TAF4: variants seen among roughly 807,000 people sequenced by gnomAD.
TAF4 encodes transcription initiation factor TFIID subunit 4.
In TAF4, 9 loss-of-function variants were observed where a neutral mutation model predicts 90.3. The observed-to-expected ratio is 0.10, with a 90% CI of 0.06 to 0.17. TAF4 has a LOEUF of 0.17. Among genes scored for constraint, TAF4 ranks in the 10% least tolerant of loss-of-function variants. The pLI is 1.00. For missense variants in TAF4, 1,351 were observed against 1,370.7 expected (o/e 0.99, Z 0.23); for synonymous variants, 818 against 638.9 (o/e 1.28, Z -4.23).
At chr20:62,013,116 C>T (rs2055789195) in intron 2 of TAF4, among the ~76,000 whole-genome samples, 182 bp from the exon 3 acceptor site, 1 of 152,244 alleles carries the variant, frequency 6.6e-6, no homozygotes, top group Non-Finnish European at 1.5e-5. Context: ...AAGTGTATGA[C>T]AAACATTTTC....
At chr20:62,005,021 C>T (rs1028904626) in intron 7 of TAF4, 17 of 152,280 alleles carry the variant, frequency 1.1e-4, no homozygotes, top group African/African-American at 3.9e-4. Context: ...GCAAAGGTGC[C>T]CTGGCAGGTA....
rs565386230 is a variant in TAF4 at position 61,987,661 on chromosome 20, C to T, written c.3090+9889G>A. ...GCGCGGCTGCTGGAAGACAGTCTGG[C>T]GGTTTCTTACAAAACTAAACGTGCT... On this transcript the variant is annotated intron_variant, in intron 14 of 14. Coordinates refer to ENST00000252996, the MANE Select transcript of TAF4 (RefSeq NM_003185.4). 2.3e-3 allele frequency among the ~76,000 whole-genome samples: 343 copies of T among 152,304 alleles called. 1 individual carries two copies. Among genetic ancestry groups the T allele is most frequent in the Admixed American group, 4.1e-3 (63 of 15,294 alleles).
intron 1 of TAF4, among the ~76,000 whole-genome samples, chr20:62,028,987 G>A (rs925666299): frequency 6.6e-6 from 1 of 152,110 alleles, no homozygotes; most frequent in African/African-American, 2.4e-5. Context: ...ACGAGGTCAG[G>A]AGATCGAGAC....
intron 14 of TAF4, among the ~76,000 whole-genome samples, chr20:61,995,202 G>A (rs1358617602): frequency 1.3e-5 from 2 of 152,200 alleles, no homozygotes; most frequent in African/African-American, 4.8e-5. Flanking sequence ...GTGCAAGGCC[G>A]AGGAAAACAG....
At chr20:62,057,516 C>A (rs1244590955) in intron 1 of TAF4, among the ~76,000 whole-genome samples, 1 of 152,240 alleles carries the variant, frequency 6.6e-6, no homozygotes, top group Non-Finnish European at 1.5e-5. Flanking sequence ...TGGCTACGCT[C>A]CTCTCACAAC....
chr20:62,063,815 C>T (rs2056104212), intron 1 of TAF4, among the ~76,000 whole-genome samples: 1 of 152,232 alleles, frequency 6.6e-6, no homozygotes, highest in Non-Finnish European at 1.5e-5. Flanking sequence ...GCCGGGAGGA[C>T]TCTCGCAGGA....
Position 61,997,529 on chromosome 20 carries a change from G to A in TAF4, c.3090+21C>T, listed in dbSNP as rs370153453. 7.1e-6 allele frequency: 11 copies of A among 1,547,552 alleles called. No homozygotes were observed. In the East Asian group the frequency reaches 1.2e-4, roughly 17 times the overall value. On this transcript the variant is annotated intron_variant, in intron 14 of 14. Transcript: ENST00000252996. ...TTCCCCATGTTTCCCCCAGGACCTC[G>A]ATCCCACAACACTGCCGTACCTCTG...
At chr20:61,979,542 C>T (rs1332873282) in intron 14 of TAF4, among the ~76,000 whole-genome samples, 1 of 133,082 alleles carries the variant, frequency 7.5e-6, no homozygotes, top group Non-Finnish European at 1.6e-5. Flanking sequence ...GTGCAGGCGC[C>T]ATGGCCACTC....
intron 1 of TAF4, among the ~76,000 whole-genome samples, chr20:62,030,084 C>T (rs60453815): frequency 0.021 from 3,185 of 152,264 alleles, 39 homozygotes; most frequent in Middle Eastern, 0.054. Flanking sequence ...CGCTGCGAGG[C>T]CAGGCGAGCA....
At chr20:62,056,316 C>G (rs1209474310) in intron 1 of TAF4, among the ~76,000 whole-genome samples, 1 of 152,150 alleles carries the variant, frequency 6.6e-6, no homozygotes, top group African/African-American at 2.4e-5. Flanking sequence ...TCCACATGAA[C>G]GAGGTCTAAT....
At chr20:62,051,648 G>A (rs909384299) in intron 1 of TAF4, among the ~76,000 whole-genome samples, 1 of 151,138 alleles carries the variant, frequency 6.6e-6, no homozygotes, top group African/African-American at 2.4e-5. Context: ...CCATCCGCTC[G>A]GTGACCCCCA....
At chr20:61,979,945 G>A (rs560793400) in intron 14 of TAF4, among the ~76,000 whole-genome samples, 5 of 152,358 alleles carry the variant, frequency 3.3e-5, no homozygotes, top group South Asian at 2.1e-4. Context: ...AGCCTGGGAC[G>A]ACAGACAGCT....
At chr20:62,045,818 G>T (rs2055990126) in intron 1 of TAF4, among the ~76,000 whole-genome samples, 1 of 152,176 alleles carries the variant, frequency 6.6e-6, no homozygotes, top group Admixed American at 6.5e-5. Flanking sequence ...TTGGACGAAG[G>T]GAAGACAGAA....
intron 2 of TAF4, among the ~76,000 whole-genome samples, 172 bp downstream of exon 2, chr20:62,014,375 C>T (rs1161440932): frequency 6.6e-6 from 1 of 152,176 alleles, no homozygotes; most frequent in Non-Finnish European, 1.5e-5. Flanking sequence ...GACAGGAGAG[C>T]AGCGCCGTCC....
intron 1 of TAF4, among the ~76,000 whole-genome samples, chr20:62,045,109 G>A (rs1437410425): frequency 6.6e-6 from 1 of 152,234 alleles, no homozygotes; most frequent in Non-Finnish European, 1.5e-5. Flanking sequence ...AGGTGAGTAG[G>A]TAAATAACCT....
chr20:62,054,358 A>T (rs1263023278), intron 1 of TAF4, among the ~76,000 whole-genome samples: 1 of 152,116 alleles, frequency 6.6e-6, no homozygotes, highest in Non-Finnish European at 1.5e-5. Context: ...GGCTCTAGAG[A>T]TCTACAGATC....
intron 1 of TAF4, among the ~76,000 whole-genome samples, chr20:62,038,957 G>T (rs910074891): frequency 6.6e-6 from 1 of 152,234 alleles, no homozygotes; most frequent in Non-Finnish European, 1.5e-5. Flanking sequence ...GGAGGCTGAG[G>T]CAGGAGACTC....
At chr20:62,063,471 C>G (rs2056101600) in intron 1 of TAF4, among the ~76,000 whole-genome samples, 1 of 152,188 alleles carries the variant, frequency 6.6e-6, no homozygotes, top group Non-Finnish European at 1.5e-5. Flanking sequence ...GAGCCCCAGA[C>G]AAAAGCAGCA....
rs959195236 is a variant in TAF4 at position 62,064,726 on chromosome 20, G to A, written c.1085C>T (p.Ala362Val). The change falls in exon 1 of 15, where the codon GCG (alanine) becomes GTG (valine). Residue 362 changes from alanine (A) to valine (V), a missense_variant. This residue lies in a region of TAF4 where 782 missense variants were observed against 536.6 expected (regional missense o/e 1.46). Transcript: ENST00000252996. ...QAAPPAAQTL[A>V]ASGPASTAAS... is the part of the protein sequence containing the mutation. ...CGCCGTGCTGGCCGGGCCGCTGGCC[G>A]CCAGGGTCTGCGCCGCCGGGGGCGC... 19 of 1,218,926 alleles carry A rather than the reference G, an allele frequency of 1.6e-5. No homozygotes were observed. The highest frequency in any genetic ancestry group is 6.3e-5 in the South Asian group (2 of 31,580). The allele number at this position is 1,218,926 out of a possible 1,614,324, so 75.5% of individuals were successfully genotyped here.
Sources: allele counts gnomAD v4.1 joint callset (sites outside exome capture counted in the v4.1 genomes callset), GRCh38; gene constraint gnomAD v4.1.1; regional missense constraint gnomAD v4.1.1; transcripts MANE v1.5; gene names NCBI Gene and HGNC (gene_info 2026-07-23, HGNC 2026-07-21).